MAP6: variants seen among roughly 807,000 people sequenced by gnomAD.
MAP6 encodes microtubule associated protein 6, also known as microtubule-associated protein 6.
A neutral mutation model predicts 42.4 loss-of-function variants in MAP6; 26 were observed. The observed-to-expected ratio is 0.61, with a 90% CI of 0.45 to 0.85. The LOEUF is 0.85. Ranked by LOEUF, MAP6 falls within the 40% of genes least tolerant of loss-of-function variation. The probability of loss-of-function intolerance (pLI) is 0.00; values close to 1 mark genes in which losing one functional copy is unlikely to be tolerated. For synonymous variants in MAP6, 418 were observed against 443.8 expected, an observed-to-expected ratio of 0.94 and a Z score of 0.73; for missense variants, 966 against 1,099.0, an observed-to-expected ratio of 0.88 and a Z score of 1.71.
intron 1 of MAP6, among the ~76,000 whole-genome samples, chr11:75,653,073 A>G (rs1394456337): frequency 5.3e-5 from 8 of 152,008 alleles, no homozygotes; most frequent in African/African-American, 1.4e-4. Flanking sequence ...CAGCATCTGA[A>G]TTGCATATTT....
chr11:75,609,325 G>T (rs867235119), intron 1 of MAP6, among the ~76,000 whole-genome samples: 1 of 152,126 alleles, frequency 6.6e-6, no homozygotes, highest in Non-Finnish European at 1.5e-5. Flanking sequence ...GTTCTCCTTT[G>T]GGGGCACAAA....
At chr11:75,647,144 C>G (rs1026305067) in intron 1 of MAP6, among the ~76,000 whole-genome samples, 9 of 151,664 alleles carry the variant, frequency 5.9e-5, no homozygotes, top group Non-Finnish European at 1.0e-4. Flanking sequence ...CCAGGCCCAG[C>G]TAATTTTTGT....
intron 3 of MAP6, among the ~76,000 whole-genome samples, chr11:75,590,479 C>CT (rs1942458000): frequency 6.6e-6 from 1 of 152,300 alleles, no homozygotes; most frequent in South Asian, 2.1e-4. Flanking sequence ...ACAGCATTGG[C>CT]TCCTGTGCCA....
intron 2 of MAP6, chr11:75,607,500 C>T: frequency 1.0e-6 from 1 of 985,436 alleles, no homozygotes; most frequent in Non-Finnish European, 1.2e-6. Flanking sequence ...TAGGAAAATC[C>T]TTGAGTCCAC....
chr11:75,590,447 A>G (rs1246924076), intron 3 of MAP6, among the ~76,000 whole-genome samples: 2 of 152,168 alleles, frequency 1.3e-5, no homozygotes, highest in Non-Finnish European at 2.9e-5. Flanking sequence ...CTGGGCCAGG[A>G]AGTACATTTC....
intron 1 of MAP6, among the ~76,000 whole-genome samples, chr11:75,644,956 C>T (rs1447362728): frequency 2.0e-5 from 3 of 152,102 alleles, no homozygotes; most frequent in Non-Finnish European, 4.4e-5. Flanking sequence ...GTAAAGGCAG[C>T]TAAAAGCTGA....
chr11:75,606,175 C>T (rs1942770340), intron 2 of MAP6, among the ~76,000 whole-genome samples, 171 bp from the exon 3 acceptor site: 1 of 152,336 alleles, frequency 6.6e-6, no homozygotes, highest in African/African-American at 2.4e-5. Context: ...TTCGGCATCT[C>T]CCGTCTGAAC....
chr11:75,666,495 T>C (rs71467889), intron 1 of MAP6, among the ~76,000 whole-genome samples: 89 of 151,930 alleles, frequency 5.9e-4, no homozygotes, highest in African/African-American at 2.0e-3. Context: ...CTGGAGAACA[T>C]GTAGGGAAAG....
At chr11:75,592,244 C>A (rs1238274434) in intron 3 of MAP6, among the ~76,000 whole-genome samples, 3 of 152,194 alleles carry the variant, frequency 2.0e-5, no homozygotes, top group Non-Finnish European at 4.4e-5. Context: ...CACCGTCTCA[C>A]AGTCTCTCTC....
chr11:75,666,089 C>T (rs1224437570), intron 1 of MAP6, among the ~76,000 whole-genome samples: 1 of 152,044 alleles, frequency 6.6e-6, no homozygotes, highest in African/African-American at 2.4e-5. Context: ...GTCCTCCCCG[C>T]CCCCCACACC....
chr11:75,642,911 T>C (rs546119101), intron 1 of MAP6: 140 of 488,350 alleles, frequency 2.9e-4, no homozygotes, highest in African/African-American at 2.1e-3. Flanking sequence ...TTTCAATGAT[T>C]AGTCAGCACA....
intron 1 of MAP6, among the ~76,000 whole-genome samples, chr11:75,613,368 C>T (rs1942938803): frequency 1.3e-5 from 2 of 152,260 alleles, no homozygotes; most frequent in Non-Finnish European, 1.5e-5. Flanking sequence ...CCTTCAAGCT[C>T]ATGGTCACTT....
chr11:75,601,681 T>C (rs1159260900), intron 3 of MAP6, among the ~76,000 whole-genome samples: 1 of 151,928 alleles, frequency 6.6e-6, no homozygotes, highest in Admixed American at 6.6e-5. Flanking sequence ...TTTGGGCATA[T>C]GGAAATGGAG....
intron 1 of MAP6, among the ~76,000 whole-genome samples, chr11:75,651,523 C>T (rs1943645956): frequency 6.6e-6 from 1 of 151,860 alleles, no homozygotes; most frequent in Non-Finnish European, 1.5e-5. Flanking sequence ...ATCCCTCGTC[C>T]ATTTTTTAAA....
intron 3 of MAP6, among the ~76,000 whole-genome samples, chr11:75,588,494 G>A (rs1942411477): frequency 6.6e-6 from 1 of 152,112 alleles, no homozygotes; most frequent in Non-Finnish European, 1.5e-5. Context: ...TCATCCAGTA[G>A]GCATCCCAGC....
In MAP6 at chr11:75,589,382, G is replaced by C. The variant is rs1335540994; in HGVS notation, c.1317-1198C>G. Among the ~76,000 whole-genome samples, 3 of 152,328 alleles carry C rather than the reference G, an allele frequency of 2.0e-5. No individual in the cohort carries two copies. The East Asian group carries it at 5.8e-4, about 29-fold the overall frequency. ...TAGAGTGCACACTCCTTCCTTGCAG[G>C]CCATGTTGGAAGTCGAGAGAGTGGC... On this transcript the variant is annotated intron_variant, in intron 3 of 3. Transcript: ENST00000304771.
chr11:75,603,575 TTGG>T (rs1318165036), intron 3 of MAP6: 125 of 937,358 alleles, frequency 1.3e-4, no homozygotes, highest in Non-Finnish European at 1.5e-4. Context: ...GGGTAGGAAG[TTGG>T]TCCCTGGGGC....
In MAP6 at chr11:75,633,010, C is replaced by CT. The variant is rs57493803; in HGVS notation, c.906-24689dup. Among the ~76,000 whole-genome samples the CT allele has an allele frequency of 4.5e-3, 622 of 137,940 alleles. 2 individuals are homozygous for CT. The highest frequency in any genetic ancestry group is 5.9e-3 in the Non-Finnish European group (374 of 62,898). The allele number at this position is 137,940 out of a possible 152,430, so 90.5% of individuals were successfully genotyped here. On this transcript the variant is annotated intron_variant, in intron 1 of 3. Coordinates refer to ENST00000304771, the MANE Select transcript of MAP6 (RefSeq NM_033063.2). ...TGTTTCTTTTCTTTTTTTCTTTTTT[C>CT]TTTTTTTTTTTTTGGCATCAGAAGA...
intron 3 of MAP6, chr11:75,603,410 C>T (rs894427007): frequency 1.0e-6 from 1 of 985,718 alleles, no homozygotes; most frequent in Non-Finnish European, 1.2e-6. Flanking sequence ...TATTTGTAAA[C>T]AGTAGAAATC....
Sources: allele counts gnomAD v4.1 joint callset (sites outside exome capture counted in the v4.1 genomes callset), GRCh38; gene constraint gnomAD v4.1.1; transcripts MANE v1.5; gene names NCBI Gene and HGNC (gene_info 2026-07-23, HGNC 2026-07-21).